SRSF4: variants seen among roughly 807,000 people sequenced by gnomAD.
The protein encoded by SRSF4 is serine/arginine-rich splicing factor 4.
A neutral mutation model predicts 48.8 loss-of-function variants in SRSF4; 12 were observed. The ratio of observed to expected loss-of-function variants is 0.25; its 90% CI spans 0.16 to 0.40. The LOEUF (loss-of-function observed/expected upper bound fraction) is 0.40, where lower values mean the gene tolerates loss of function less well. Ranked by LOEUF, SRSF4 falls within the 10% of genes least tolerant of loss-of-function variation. The pLI is 1.00. For synonymous variants in SRSF4, 248 were observed against 232.5 expected, an observed-to-expected ratio of 1.07 and a Z score of -0.61; for missense variants, 466 against 667.1, an observed-to-expected ratio of 0.70 and a Z score of 3.32.
At chr1:29,164,276 T>G (rs1574196513) in intron 1 of SRSF4, among the ~76,000 whole-genome samples, 1 of 152,246 alleles carries the variant, frequency 6.6e-6, no homozygotes, top group Non-Finnish European at 1.5e-5. Context: ...TGGGTCCCAA[T>G]TTTAGTTCAT....
intron 1 of SRSF4, among the ~76,000 whole-genome samples, chr1:29,174,387 G>T (rs1347467509): frequency 6.6e-6 from 1 of 152,084 alleles, no homozygotes; most frequent in Non-Finnish European, 1.5e-5. Context: ...TCATATAAAG[G>T]ATATTCAACA....
rs759506107 is a variant in SRSF4, at chr1:29,148,795, C to T, written c.1100G>A (p.Arg367His). Residue 367 changes from arginine (R) to histidine (H), a missense_variant, in exon 6 of 6, where the codon CGC becomes CAC. By Grantham distance (29) the Arg-to-His change is conservative (BLOSUM62 0). Around this residue, in one of 2 missense-constraint regions of SRSF4, gnomAD observed 402 missense variants for 437.0 expected, o/e 0.92. Coordinates refer to ENST00000373795, the MANE Select transcript of SRSF4 (RefSeq NM_005626.5). ...CTCACTCTTGCTGCGGCTGCGACTG[C>T]GACTGCGGCTCTCCTCTCTGCTTCT... is the stretch of plus-strand genomic sequence containing the variant. ...RKRSREESRSRSRSRSKSERS... is the reference protein window; with the variant it reads ...RKRSREESRSHSRSRSKSERS... The T allele has an allele frequency of 3.7e-6, 6 of 1,610,224 alleles. No homozygotes were observed. Among genetic ancestry groups the T allele is most frequent in the South Asian group, 2.2e-5 (2 of 90,840 alleles).
At chr1:29,154,575 A>C in intron 4 of SRSF4, 121 bp downstream of exon 4, 2 of 933,680 alleles carry the variant, frequency 2.1e-6, no homozygotes, top group Non-Finnish European at 3.2e-6. Context: ...CAAAATTCTA[A>C]GTTATTGAAC....
intron 1 of SRSF4, chr1:29,170,725 G>T (rs1672734455): frequency 6.6e-6 from 1 of 152,016 alleles, no homozygotes; most frequent in Non-Finnish European, 1.5e-5. Flanking sequence ...CTGGTCTGTG[G>T]TTCCTGACTC....
chr1:29,178,112 C>A (rs1424003820), intron 1 of SRSF4, among the ~76,000 whole-genome samples: 1 of 151,892 alleles, frequency 6.6e-6, no homozygotes, highest in African/African-American at 2.4e-5. Flanking sequence ...GTTGGCCAGG[C>A]TGGTCTCAAA....
At chr1:29,157,446 A>C (rs1206636214) in intron 3 of SRSF4, among the ~76,000 whole-genome samples, 1 of 152,148 alleles carries the variant, frequency 6.6e-6, no homozygotes, top group Non-Finnish European at 1.5e-5. Flanking sequence ...CATGATGTTC[A>C]ATCCCTAACT....
chr1:29,149,961 G>T (rs1672380964), intron 5 of SRSF4, 142 bp downstream of exon 5: 1 of 649,352 alleles, frequency 1.5e-6, no homozygotes, highest in Non-Finnish European at 2.7e-6. Flanking sequence ...CCAGTGAGGT[G>T]AGGCTGCAGT....
intron 1 of SRSF4, among the ~76,000 whole-genome samples, chr1:29,176,517 T>C (rs1315517885): frequency 1.3e-5 from 2 of 150,684 alleles, no homozygotes; most frequent in Non-Finnish European, 3.0e-5. Flanking sequence ...AAAAATACTG[T>C]AACAGCTCAT....
chr1:29,181,070 G>A (rs940294466), intron 1 of SRSF4, among the ~76,000 whole-genome samples: 1 of 152,144 alleles, frequency 6.6e-6, no homozygotes, highest in African/African-American at 2.4e-5. Context: ...CTTTCAGCAC[G>A]GCAAGACGAT....
intron 1 of SRSF4, among the ~76,000 whole-genome samples, chr1:29,175,827 T>C (rs1672840048): frequency 6.6e-6 from 1 of 152,150 alleles, no homozygotes; most frequent in Admixed American, 6.6e-5. Flanking sequence ...CAAAACTTGT[T>C]TTAACCTCTT....
chr1:29,153,186 T>TCTCTGCTC (rs1672441429), intron 4 of SRSF4, among the ~76,000 whole-genome samples: 1 of 152,094 alleles, frequency 6.6e-6, no homozygotes, highest in South Asian at 2.1e-4. Context: ...GGCTGGAGTA[T>TCTCTGCTC]AGTGGAGTGA....
chr1:29,180,305 C>T (rs993570416), intron 1 of SRSF4, among the ~76,000 whole-genome samples: 1 of 152,142 alleles, frequency 6.6e-6, no homozygotes, highest in South Asian at 2.1e-4. Context: ...AACGTCTACC[C>T]GCCACTTCAA....
intron 3 of SRSF4, among the ~76,000 whole-genome samples, chr1:29,157,995 AAACCCCG>A (rs1186679279): frequency 6.6e-6 from 1 of 152,136 alleles, no homozygotes; most frequent in African/African-American, 2.4e-5. Context: ...CAACATGGTG[AAACCCCG>A]CCTCTACTAA....
chr1:29,154,962 C>A (rs752825662), intron 3 of SRSF4, 52 bp from the exon 4 acceptor site: 3 of 1,502,304 alleles, frequency 2.0e-6, no homozygotes, highest in Non-Finnish European at 2.7e-6. Context: ...GCTAAAATAT[C>A]TAATGCAATC....
intron 4 of SRSF4, among the ~76,000 whole-genome samples, chr1:29,154,114 C>A (rs541568628): frequency 4.1e-4 from 63 of 151,952 alleles, no homozygotes; most frequent in Admixed American, 7.9e-4. Context: ...AGTGCAATGG[C>A]ACAATCTCGG....
rs1046808328 is a variant in SRSF4 at position 29,181,833 on chromosome 1, G to A, written c.-81C>T. On this transcript the variant is annotated 5_prime_UTR_variant, in exon 1 of 6. Coordinates refer to ENST00000373795, the MANE Select transcript of SRSF4 (RefSeq NM_005626.5). ...GGCAAAGCGAGAGCACGGCGGCAGC[G>A]GCGGCGGCGGCAACGGGCGGGCGGC... 5.9e-5 allele frequency: 69 copies of A among 1,162,234 alleles called. No individual in the cohort carries two copies. Among genetic ancestry groups the A allele is most frequent in the East Asian group, 5.4e-4 (17 of 31,264 alleles). The allele number at this position is 1,162,234 out of a possible 1,614,324, so 72.0% of individuals were successfully genotyped here. A position where few individuals can be genotyped will look rare whatever the true frequency, so the allele number is the denominator to read the frequency against.
intron 1 of SRSF4, among the ~76,000 whole-genome samples, chr1:29,173,849 G>C (rs1450164511): frequency 6.6e-6 from 1 of 151,664 alleles, no homozygotes; most frequent in African/African-American, 2.4e-5. Context: ...ATTTTAATTA[G>C]AAAAAATTAG....
chr1:29,174,193 CAA>C (rs773224579), intron 1 of SRSF4, among the ~76,000 whole-genome samples: 1 of 78,914 alleles, frequency 1.3e-5, no homozygotes. Flanking sequence ...GACCCCATCT[CAA>C]AAAAAAAAAG....
Position 29,148,613 on chromosome 1 carries a change from G to A in SRSF4, c.1282C>T (p.Arg428Ter). 2 of 1,613,952 alleles carry A rather than the reference G, an allele frequency of 1.2e-6. No individual in the cohort carries two copies. The highest frequency in any genetic ancestry group is 1.7e-6 in the Non-Finnish European group (2 of 1,179,952). Residue 428 changes from arginine (R) to a stop codon, truncating the protein, a stop_gained, in exon 6 of 6, where the codon CGA (arginine) becomes TGA (stop). Transcript: ENST00000373795. LOFTEE classifies it high-confidence loss of function. ...GTGCCAGCATTCTCACTCTCTCCTCGACCTTCCCTCTGGCTGGATTCAGAC... is the reference window on the plus strand; with the variant it reads ...GTGCCAGCATTCTCACTCTCTCCTCAACCTTCCCTCTGGCTGGATTCAGAC... ...AKSESSQREGRGESENAGTNQ... is the reference protein window; with the variant it reads ...AKSESSQREG
Sources: gnomAD v4.1 joint callset for allele counts (sites outside exome capture counted in the v4.1 genomes callset) on GRCh38, gnomAD v4.1.1 for gene constraint, gnomAD v4.1.1 regional missense constraint, MANE v1.5 for transcripts, NCBI Gene and HGNC (gene_info 2026-07-23, HGNC 2026-07-21) for gene names.